PRKD3: variants seen among roughly 807,000 people sequenced by gnomAD.
PRKD3 encodes protein kinase D3.
A neutral mutation model predicts 99.2 loss-of-function variants in PRKD3; 47 were observed. The ratio of observed to expected loss-of-function variants is 0.47; its 90% CI spans 0.38 to 0.60. PRKD3 has a LOEUF of 0.60. Among genes scored for constraint, PRKD3 ranks in the 20% least tolerant of loss-of-function variants. The pLI is 0.00. For missense variants in PRKD3, 1,019 were observed against 1,088.4 expected, an observed-to-expected ratio of 0.94 and a Z score of 0.90; for synonymous variants, 392 against 355.4, an observed-to-expected ratio of 1.10 and a Z score of -1.16.
intron 2 of PRKD3, among the ~76,000 whole-genome samples, chr2:37,311,516 G>A (rs1290020108): frequency 6.6e-6 from 1 of 152,126 alleles, no homozygotes; most frequent in Non-Finnish European, 1.5e-5. Context: ...TGGCACCCAG[G>A]TGTAGGATAA....
rs1667563447 is a variant in PRKD3, at chr2:37,252,296, T to TGTAA, written c.*877_*880dup. 7.3e-6 allele frequency: 1 copy of TGTAA among 137,314 alleles called. No individual in the cohort carries two copies. Among genetic ancestry groups the TGTAA allele is most frequent in the African/African-American group, 2.7e-5 (1 of 36,766 alleles). 8.5% of individuals were successfully genotyped at this position (137,314 alleles called of 1,614,324 possible). A position where few individuals can be genotyped will look rare whatever the true frequency, so the allele number is the denominator to read the frequency against. On this transcript the variant is annotated 3_prime_UTR_variant, in exon 19 of 19. Transcript: ENST00000234179. ...CTGAACCCTAGGTAAAGATAAATTG[T>TGTAA]GTAAAGCCGAGATCTGCACCTGCTG...
Position 37,250,735 on chromosome 2 carries a change from T to C in PRKD3, c.*2442A>G, listed in dbSNP as rs1667418798. The C allele has an allele frequency of 6.6e-6, 1 of 152,294 alleles. No individual in the cohort carries two copies. The highest frequency in any genetic ancestry group is 1.5e-5 in the Non-Finnish European group (1 of 68,016). The allele number at this position is 152,294 out of a possible 1,614,324, so 9.4% of individuals were successfully genotyped here. ...TGGTGATAGGAAATACATTTTATTA[T>C]CAAGCTTCCAGTATATTTACAAAAA... On this transcript the variant is annotated 3_prime_UTR_variant, in exon 19 of 19. Coordinates refer to ENST00000234179, the MANE Select transcript of PRKD3 (RefSeq NM_005813.6).
chr2:37,275,801 A>G lies in PRKD3; in HGVS notation c.1340T>C (p.Leu447Ser). The G allele has an allele frequency of 6.2e-7, 1 of 1,610,174 alleles. No homozygotes were observed. The highest frequency in any genetic ancestry group is 8.5e-7 in the Non-Finnish European group (1 of 1,178,236). ...CTTTGATCCAGATTCATTCTGAAAT[A>G]ATGTTAGACATTTGCTGTCAAGTCT... ...YWRLDSKCLT[L>S]FQNESGSKYY... The change falls in exon 10 of 19, where the codon TTA becomes TCA. Residue 447 changes from leucine (L) to serine (S), a missense_variant. Leu to Ser is a moderately radical substitution (Grantham distance 145, BLOSUM62 -2). Coordinates refer to ENST00000234179, the MANE Select transcript of PRKD3 (RefSeq NM_005813.6).
At chr2:37,314,967 A>T (rs1259655034) in intron 2 of PRKD3, among the ~76,000 whole-genome samples, 1 of 147,626 alleles carries the variant, frequency 6.8e-6, no homozygotes, top group African/African-American at 2.5e-5. Context: ...AAGGCAGCAT[A>T]GGTCATTTTC....
intron 2 of PRKD3, among the ~76,000 whole-genome samples, chr2:37,302,060 T>C: frequency 6.6e-6 from 1 of 152,090 alleles, no homozygotes; most frequent in South Asian, 2.1e-4. Context: ...GTCAAGAGAA[T>C]AAAGAGGCTA....
At chr2:37,289,547 T>TA (rs772576601) in intron 4 of PRKD3, 34 bp from the exon 5 acceptor site, 144 of 1,512,534 alleles carry the variant, frequency 9.5e-5, no homozygotes, top group Non-Finnish European at 1.1e-4. Context: ...ATATAAGATT[T>TA]AAAAAAAAAT....
chr2:37,294,569 T>G (rs2124850948), intron 2 of PRKD3, among the ~76,000 whole-genome samples: 1 of 149,490 alleles, frequency 6.7e-6, no homozygotes, highest in South Asian at 2.1e-4. Flanking sequence ...TTGTAAAACC[T>G]CATAGTATGT....
At chr2:37,315,837 G>C (rs1372731574) in intron 2 of PRKD3, among the ~76,000 whole-genome samples, 1 of 152,206 alleles carries the variant, frequency 6.6e-6, no homozygotes, top group Non-Finnish European at 1.5e-5. Context: ...CGATTCTCCT[G>C]TCTCAGCCTC....
At chr2:37,263,422 G>GT (rs1446644588) in intron 14 of PRKD3, among the ~76,000 whole-genome samples, 21 of 152,186 alleles carry the variant, frequency 1.4e-4, no homozygotes, top group Admixed American at 6.5e-5. Context: ...ACAGAGGTCA[G>GT]TATAATCTGC....
chr2:37,279,118 A>C (rs1463157802), intron 8 of PRKD3: 4 of 152,226 alleles, frequency 2.6e-5, no homozygotes, highest in Non-Finnish European at 5.9e-5. Context: ...ATTTTCTTTA[A>C]GTAACTCTTT....
intron 1 of PRKD3, among the ~76,000 whole-genome samples, chr2:37,318,358 T>C (rs1197936236): frequency 6.6e-6 from 1 of 152,220 alleles, no homozygotes; most frequent in Non-Finnish European, 1.5e-5. Flanking sequence ...CATAACTCTT[T>C]GAAAGTTGAC....
chr2:37,324,131 A>G (rs956728814), intron 1 of PRKD3: 9 of 972,350 alleles, frequency 9.3e-6, no homozygotes, highest in Non-Finnish European at 1.1e-5. Flanking sequence ...TGCTGCAACT[A>G]GCAAATCCAA....
At chr2:37,282,348 G>A (rs1039629921) in intron 7 of PRKD3, 194 bp downstream of exon 7, 1 of 539,802 alleles carries the variant, frequency 1.9e-6, no homozygotes. Flanking sequence ...GGTGGCCAGA[G>A]GAAAGACGGG....
At chr2:37,291,818 C>CTCTG (rs753188052) in intron 3 of PRKD3, among the ~76,000 whole-genome samples, 1 of 152,170 alleles carries the variant, frequency 6.6e-6, no homozygotes, top group Non-Finnish European at 1.5e-5. Context: ...GGTAGCAGGG[C>CTCTG]TCTGACCCAT....
At chr2:37,316,216 T>C in intron 2 of PRKD3, 21 bp downstream of exon 2, 1 of 1,576,416 alleles carries the variant, frequency 6.3e-7, no homozygotes, top group Non-Finnish European at 8.7e-7. Context: ...TATTTACTAC[T>C]GATAATAGCA....
At chr2:37,266,431 T>C (rs1192406584) in intron 14 of PRKD3, among the ~76,000 whole-genome samples, 2 of 151,812 alleles carry the variant, frequency 1.3e-5, no homozygotes, top group African/African-American at 4.8e-5. Flanking sequence ...GTACAAGTGA[T>C]TCTCCTGTCT....
chr2:37,271,443 T>C (rs1572641781), intron 12 of PRKD3, among the ~76,000 whole-genome samples: 1 of 152,224 alleles, frequency 6.6e-6, no homozygotes, highest in African/African-American at 2.4e-5. Flanking sequence ...CACTTATGTA[T>C]TGCCTATAGC....
rs369677276 is a variant in PRKD3 at position 37,268,348 on chromosome 2, G to C, written c.1778-812C>G. The C allele has an allele frequency of 4.5e-4, 211 of 471,016 alleles. 3 individuals carry two copies. The highest frequency in any genetic ancestry group is 3.2e-3 in the South Asian group (209 of 64,530). 29.2% of individuals were successfully genotyped at this position (471,016 alleles called of 1,614,324 possible). A position where few individuals can be genotyped will look rare whatever the true frequency, so the allele number is the denominator to read the frequency against. ...TGATGACAGGAAGTCCTCCAGAGAT[G>C]TAACTACTCTTAAAACTGACAAATC... is the stretch of plus-strand genomic sequence containing the variant. On this transcript the variant is annotated intron_variant, in intron 13 of 18. Transcript: ENST00000234179.
intron 2 of PRKD3, among the ~76,000 whole-genome samples, chr2:37,312,604 C>T (rs1344583306): frequency 6.6e-6 from 1 of 152,082 alleles, no homozygotes; most frequent in African/African-American, 2.4e-5. Context: ...TAAAATGGCT[C>T]CCAAGCACAG....
Sources: allele counts gnomAD v4.1 joint callset (sites outside exome capture counted in the v4.1 genomes callset), GRCh38; gene constraint gnomAD v4.1.1; transcripts MANE v1.5; gene names NCBI Gene and HGNC (gene_info 2026-07-23, HGNC 2026-07-21).